The following DIABLO variants were observed in gnomAD, a reference collection of about 807,000 sequenced individuals.
DIABLO encodes the protein diablo homolog, mitochondrial.
A neutral mutation model predicts 31.7 loss-of-function variants in DIABLO; 32 were observed. That is an observed-to-expected ratio of 1.01 (90% CI 0.76 to 1.35). The LOEUF (loss-of-function observed/expected upper bound fraction) is 1.35, where lower values mean the gene tolerates loss of function less well. DIABLO is among the 40% of genes most tolerant of loss of function. The probability of loss-of-function intolerance (pLI) is 0.00; values close to 1 mark genes in which losing one functional copy is unlikely to be tolerated. For missense variants in DIABLO, 316 were observed against 286.4 expected (o/e 1.10, Z -0.75); for synonymous variants, 132 against 103.2 (o/e 1.28, Z -1.69).
intron 5 of DIABLO, among the ~76,000 whole-genome samples, chr12:122,216,141 T>C (rs1384827351): frequency 6.6e-6 from 1 of 152,204 alleles, no homozygotes. Flanking sequence ...TCATCTCAAG[T>C]CTCAGCCAAC....
At chr12:122,210,003 T>C in intron 5 of DIABLO, 1 of 581,032 alleles carries the variant, frequency 1.7e-6, no homozygotes, top group Non-Finnish European at 3.1e-6. Flanking sequence ...TTTTCTCCTT[T>C]AATCTATGGA....
At chr12:122,216,697 T>TA (rs1325793879) in intron 4 of DIABLO, 62 bp downstream of exon 4, 1 of 1,561,216 alleles carries the variant, frequency 6.4e-7, no homozygotes, top group East Asian at 2.2e-5. Flanking sequence ...CTTAATTCAA[T>TA]AATTTAGATA....
chr12:122,219,169 G>A (rs1349223603), intron 2 of DIABLO, among the ~76,000 whole-genome samples: 1 of 151,898 alleles, frequency 6.6e-6, no homozygotes, highest in African/African-American at 2.4e-5. Flanking sequence ...GGAGGCAGAG[G>A]TTGCAGTGAG....
chr12:122,225,380 T>C (rs1471382442), intron 1 of DIABLO: 1 of 990,602 alleles, frequency 1.0e-6, no homozygotes, highest in African/African-American at 1.7e-5. Flanking sequence ...GAGGCAGATC[T>C]TGTCTCAAAA....
intron 2 of DIABLO, chr12:122,222,020 A>C (rs1954344249): frequency 6.6e-6 from 1 of 152,234 alleles, no homozygotes; most frequent in African/African-American, 2.4e-5. Context: ...TAATACATGG[A>C]ATTAATCTTC....
chr12:122,225,857 A>G (rs1954453254), intron 1 of DIABLO, 108 bp downstream of exon 1: 1 of 1,535,604 alleles, frequency 6.5e-7, no homozygotes, highest in African/African-American at 1.4e-5. Context: ...AGCTGGGCGG[A>G]CGAGAGATGA....
chr12:122,220,871 C>A (rs1003989098), intron 2 of DIABLO: 2 of 152,126 alleles, frequency 1.3e-5, no homozygotes, highest in African/African-American at 4.8e-5. Flanking sequence ...AGAAAGACAC[C>A]TCTGCTCACA....
At chr12:122,226,056 G>A (rs906787930), upstream of DIABLO, 2 of 1,584,044 alleles carry the variant, frequency 1.3e-6, no homozygotes, top group Non-Finnish European at 1.7e-6. Flanking sequence ...CGGAAGTGAC[G>A]CAGCTTCGTG....
chr12:122,225,314 G>A, intron 1 of DIABLO: 1 of 778,508 alleles, frequency 1.3e-6, no homozygotes, highest in Non-Finnish European at 1.6e-6. Flanking sequence ...TTGAAGCCGG[G>A]AGGCACAGGT....
At chr12:122,220,930 C>T (rs940790993) in intron 2 of DIABLO, 2 of 152,228 alleles carry the variant, frequency 1.3e-5, no homozygotes, top group African/African-American at 4.8e-5. Flanking sequence ...TAATGTGCTA[C>T]ATTTTATAAT....
At position 122,215,411 on chromosome 12, in the gene DIABLO, T is replaced by C. The variant is rs186077761; in HGVS notation, c.523+1077A>G. 5.3e-5 allele frequency among the ~76,000 whole-genome samples: 8 copies of C among 152,026 alleles called. No individual in the cohort carries two copies. In the East Asian group the frequency reaches 1.6e-3, roughly 30 times the overall value. On this transcript the variant is annotated intron_variant, in intron 5 of 5. Transcript: ENST00000464942. Reference sequence around the variant, plus strand: ...CTGGCCAACATGGCAAAACCCCTTCTCTATTAAAAATACAAAAACTATTCT... The same window carrying C: ...CTGGCCAACATGGCAAAACCCCTTCCCTATTAAAAATACAAAAACTATTCT...
intron 1 of DIABLO, 164 bp downstream of exon 1, chr12:122,225,801 C>CG (rs1362681632): frequency 2.7e-6 from 4 of 1,467,854 alleles, no homozygotes; most frequent in Non-Finnish European, 3.6e-6. Context: ...GGGGCGGAGG[C>CG]GGGGCTGTCC....
At chr12:122,223,725 C>T (rs1183025582) in intron 2 of DIABLO, among the ~76,000 whole-genome samples, 3 of 152,196 alleles carry the variant, frequency 2.0e-5, no homozygotes, top group Non-Finnish European at 4.4e-5. Flanking sequence ...ATCTCTACTT[C>T]GCCTTATCAG....
intron 2 of DIABLO, chr12:122,220,731 TACAA>T (rs912082675): frequency 3.9e-5 from 6 of 152,110 alleles, no homozygotes; most frequent in Non-Finnish European, 8.8e-5. Context: ...CTATTCAGAG[TACAA>T]ACACTCAGAA....
rs1245513345 is a variant in DIABLO at position 122,224,598 on chromosome 12, G to A, written c.97C>T (p.Arg33Trp). The change falls in exon 2 of 6, where the codon CGG becomes TGG. Residue 33 changes from arginine to tryptophan, a missense_variant. By Grantham distance (101) the Arg-to-Trp change is moderately radical. Coordinates refer to ENST00000464942, the MANE Select transcript of DIABLO (RefSeq NM_001371333.1). ...CVPVVANFKK[R>W]CFSELIRPWH... Reference sequence around the variant, plus strand: ...GGTCTTATCAATTCTGAGAAACACCGCTTCTTAAAGTTAGCCACAACAGGA... The same window carrying A: ...GGTCTTATCAATTCTGAGAAACACCACTTCTTAAAGTTAGCCACAACAGGA... The A allele has an allele frequency of 1.2e-5, 19 of 1,613,984 alleles. No individual in the cohort carries two copies. The highest frequency in any genetic ancestry group is 1.6e-5 in the Non-Finnish European group (19 of 1,180,024).
chr12:122,210,700 A>G (rs1384834083), intron 5 of DIABLO, among the ~76,000 whole-genome samples: 1 of 151,896 alleles, frequency 6.6e-6, no homozygotes, highest in Non-Finnish European at 1.5e-5. Context: ...TTTTTAAATG[A>G]TTTTGTTGTC....
intron 1 of DIABLO, chr12:122,225,406 A>T: frequency 1.0e-6 from 1 of 995,010 alleles, no homozygotes; most frequent in Non-Finnish European, 1.2e-6. Flanking sequence ...AAAATAAAAT[A>T]AAATGTTGCC....
intron 2 of DIABLO, among the ~76,000 whole-genome samples, chr12:122,224,064 C>T (rs963317021): frequency 2.6e-5 from 4 of 152,288 alleles, no homozygotes; most frequent in African/African-American, 9.6e-5. Flanking sequence ...CCTCCCAAAG[C>T]CCTGGGCATC....
intron 5 of DIABLO, among the ~76,000 whole-genome samples, chr12:122,212,708 TCTGCCTCC>T (rs1419998357): frequency 6.7e-6 from 1 of 150,106 alleles, no homozygotes; most frequent in Non-Finnish European, 1.5e-5. Flanking sequence ...CACTGCAAGC[TCTGCCTCC>T]CAGGTTCACG....
Sources: gnomAD v4.1 joint callset for allele counts (sites outside exome capture counted in the v4.1 genomes callset) on GRCh38, gnomAD v4.1.1 for gene constraint, MANE v1.5 for transcripts, NCBI Gene and HGNC (gene_info 2026-07-23, HGNC 2026-07-21) for gene names.